The following MINK1 variants were observed in gnomAD, a reference collection of about 807,000 sequenced individuals.
MINK1 encodes misshapen-like kinase 1.
A neutral mutation model predicts 178.4 loss-of-function variants in MINK1; 46 were observed. The observed-to-expected ratio is 0.26, with a 90% CI of 0.20 to 0.33. The LOEUF is 0.33. MINK1 is among the 10% of genes least tolerant of loss of function. The pLI is 1.00. For synonymous variants in MINK1, 797 were observed against 709.7 expected (o/e 1.12, Z -1.96); for missense variants, 1,366 against 1,814.9 (o/e 0.75, Z 4.49).
At chr17:4,868,688 A>T (rs1045567143) in intron 1 of MINK1, among the ~76,000 whole-genome samples, 29 of 152,200 alleles carry the variant, frequency 1.9e-4, no homozygotes, top group African/African-American at 6.5e-4. Flanking sequence ...GGCTATGATA[A>T]CTAGTGCTAC....
At chr17:4,842,186 T>C (rs889331415) in intron 1 of MINK1, among the ~76,000 whole-genome samples, 6 of 145,310 alleles carry the variant, frequency 4.1e-5, no homozygotes, top group Admixed American at 2.1e-4. Flanking sequence ...ACCACGCCAC[T>C]GCACTCCAGC....
chr17:4,859,474 G>A (rs1326807835), intron 1 of MINK1: 4 of 264,276 alleles, frequency 1.5e-5, no homozygotes, highest in East Asian at 3.6e-4. Flanking sequence ...TAGAGCCAGG[G>A]GCACTTATAA....
At chr17:4,889,626 A>C (rs1174367555) in intron 12 of MINK1, 21 bp from the exon 13 acceptor site, 1 of 1,564,176 alleles carries the variant, frequency 6.4e-7, no homozygotes, top group South Asian at 1.2e-5. Flanking sequence ...GGTTCTTAAG[A>C]CCACCTGGCT....
At chr17:4,882,139 G>A (rs1309305011) in intron 4 of MINK1, among the ~76,000 whole-genome samples, 2 of 152,240 alleles carry the variant, frequency 1.3e-5, no homozygotes, top group South Asian at 2.1e-4. Context: ...TGGAGATCGC[G>A]GCAGGCTAGA....
Position 4,895,865 on chromosome 17 carries a change from A to T in MINK1, c.3364+33A>T. On this transcript the variant is annotated intron_variant, in intron 27 of 31. Coordinates refer to ENST00000355280, the MANE Select transcript of MINK1 (RefSeq NM_153827.5). This position sits in a 1 kb window ranked among gnomAD's most constrained non-coding sequence, Gnocchi z 4.3. ...TGTCCCAACAGAGTGGCCAGCGCATACTTGTTCATGAAGAGAGAAATGGAT... is the reference window on the plus strand; with the variant it reads ...TGTCCCAACAGAGTGGCCAGCGCATTCTTGTTCATGAAGAGAGAAATGGAT... 1 of 1,607,248 alleles carries T rather than the reference A, an allele frequency of 6.2e-7. No individual in the cohort carries two copies. The highest frequency in any genetic ancestry group is 1.1e-5 in the South Asian group (1 of 90,362).
rs1222778265 is a variant in MINK1 at position 4,893,982 on chromosome 17, T to G, written c.2565-6T>G. The G allele has an allele frequency of 1.2e-5, 19 of 1,564,750 alleles. No homozygotes were observed. The highest frequency in any genetic ancestry group is 1.6e-5 in the Non-Finnish European group (19 of 1,156,730). ...CCTGGAGGGGCCCCACCTTCCTCTC[T>G]CACAGCAGCGATGGGGATACAGACA... On this transcript the variant is annotated splice_polypyrimidine_tract_variant and splice_region_variant and intron_variant, in intron 21 of 31. Transcript: ENST00000355280.
intron 31 of MINK1, 75 bp from the exon 32 acceptor site, chr17:4,897,129 C>T (rs1301689259): frequency 2.3e-6 from 3 of 1,280,090 alleles, no homozygotes; most frequent in Admixed American, 3.9e-5. Context: ...ACCCCTTCTT[C>T]CCTTCTTTCC....
At position 4,896,938 on chromosome 17, in the gene MINK1, A is replaced by T. The variant is rs2586531; in HGVS notation, c.3915+125A>T. On this transcript the variant is annotated intron_variant, in intron 31 of 31. Transcript: ENST00000355280. The surrounding 1 kb of genome is among the most constrained non-coding windows in gnomAD (Gnocchi z 4.6). ...TGAAAGCGGGCCCCTCTGGGAGCTC[A>T]GAGGGCAGTCAGCCACTACCACTGC... 37 of 1,329,198 alleles carry T rather than the reference A, an allele frequency of 2.8e-5. 1 individual carries two copies. The South Asian group carries it at 5.3e-4, about 19-fold the overall frequency. The allele number at this position is 1,329,198 out of a possible 1,614,324, so 82.3% of individuals were successfully genotyped here.
At chr17:4,856,229 T>C (rs1354630518) in intron 1 of MINK1, among the ~76,000 whole-genome samples, 1 of 152,060 alleles carries the variant, frequency 6.6e-6, no homozygotes, top group Non-Finnish European at 1.5e-5. Flanking sequence ...CTGGGGTAAA[T>C]GGAGACTTCT....
intron 1 of MINK1, chr17:4,854,645 A>G (rs954036946): frequency 1.1e-5 from 5 of 434,944 alleles, no homozygotes; most frequent in Non-Finnish European, 1.8e-5. Flanking sequence ...CTTTCCTCCC[A>G]TCACATAAAT....
Position 4,894,150 on chromosome 17 carries a change from C to G in MINK1, c.2671-24C>G, listed in dbSNP as rs1334605190. The G allele has an allele frequency of 6.2e-7, 1 of 1,612,832 alleles. No homozygotes were observed. Among genetic ancestry groups the G allele is most frequent in the South Asian group, 1.1e-5 (1 of 91,028 alleles). ...TGTGTGTGCCCTCCTCAGCCCCACGCCAACCCTGCCCTCTGTCCTGTAGAC... is the reference window on the plus strand; with the variant it reads ...TGTGTGTGCCCTCCTCAGCCCCACGGCAACCCTGCCCTCTGTCCTGTAGAC... On this transcript the variant is annotated intron_variant, in intron 22 of 31. Transcript: ENST00000355280. The surrounding 1 kb of genome is among the most constrained non-coding windows in gnomAD (Gnocchi z 4.1).
At chr17:4,862,088 A>G (rs1914256492) in intron 1 of MINK1, among the ~76,000 whole-genome samples, 3 of 151,998 alleles carry the variant, frequency 2.0e-5, no homozygotes, top group Admixed American at 6.6e-5. Context: ...CTTCTGTTCT[A>G]CTTGTGGAGA....
chr17:4,882,080 A>C (rs1245165301), intron 4 of MINK1, among the ~76,000 whole-genome samples: 1 of 152,226 alleles, frequency 6.6e-6, no homozygotes, highest in Non-Finnish European at 1.5e-5. Context: ...CATGCACACA[A>C]AGAAAGGGAG....
At chr17:4,868,359 A>G (rs1915354435) in intron 1 of MINK1, among the ~76,000 whole-genome samples, 1 of 152,162 alleles carries the variant, frequency 6.6e-6, no homozygotes, top group Non-Finnish European at 1.5e-5. Flanking sequence ...AGAACCTTCT[A>G]ATGTTTCTTC....
intron 1 of MINK1, among the ~76,000 whole-genome samples, chr17:4,850,337 A>G (rs1329948401): frequency 3.9e-5 from 6 of 152,130 alleles, no homozygotes; most frequent in Admixed American, 1.3e-4. Flanking sequence ...TTGAGTGAAC[A>G]TGTTTGCTCC....
At chr17:4,840,450 C>T (rs1910038706) in intron 1 of MINK1, among the ~76,000 whole-genome samples, 1 of 152,146 alleles carries the variant, frequency 6.6e-6, no homozygotes, top group Non-Finnish European at 1.5e-5. Context: ...GAGCTTATGA[C>T]TCATATAATC....
rs145579683 is a variant in MINK1 at position 4,895,688 on chromosome 17, C to T, written c.3230-10C>T. On this transcript the variant is annotated splice_polypyrimidine_tract_variant and intron_variant, in intron 26 of 31. Coordinates refer to ENST00000355280, the MANE Select transcript of MINK1 (RefSeq NM_153827.5). The surrounding 1 kb of genome is among the most constrained non-coding windows in gnomAD (Gnocchi z 4.3). ...ATGGGGGCGGGTGTGTATGTCTGTC[C>T]GTCCCTCAGGGAAAAGGAACAAACT... is the stretch of plus-strand genomic sequence containing the variant. The T allele has an allele frequency of 1.4e-5, 23 of 1,612,244 alleles. No homozygotes were observed. The highest frequency in any genetic ancestry group is 1.3e-4 in the East Asian group (6 of 44,814).
intron 13 of MINK1, 150 bp from the exon 14 acceptor site, chr17:4,890,367 G>A (rs1274583656): frequency 8.4e-6 from 12 of 1,435,884 alleles, no homozygotes; most frequent in South Asian, 3.0e-5. Context: ...TTGCTGGAAC[G>A]GGATGGGAAC....
At chr17:4,872,940 G>GT (rs1370094245) in intron 1 of MINK1, among the ~76,000 whole-genome samples, 1 of 152,128 alleles carries the variant, frequency 6.6e-6, no homozygotes, top group Non-Finnish European at 1.5e-5. Context: ...TCCAGAAAGG[G>GT]TGCTGCCCTC....
Sources: gnomAD v4.1 joint callset for allele counts (sites outside exome capture counted in the v4.1 genomes callset) on GRCh38, gnomAD v4.1.1 for gene constraint, Gnocchi (gnomAD v3.1) non-coding constraint, MANE v1.5 for transcripts, NCBI Gene and HGNC (gene_info 2026-07-23, HGNC 2026-07-21) for gene names.